The following CAPZB variants were observed in gnomAD, a reference collection of about 807,000 sequenced individuals.
CAPZB encodes the protein capping actin protein of muscle Z-line subunit beta.
In CAPZB, 2 loss-of-function variants were observed where a neutral mutation model predicts 38.1. The ratio of observed to expected loss-of-function variants is 0.05; its 90% CI spans 0.02 to 0.17. CAPZB has a LOEUF of 0.17. Among genes scored for constraint, CAPZB ranks in the 10% least tolerant of loss-of-function variants. The probability of loss-of-function intolerance (pLI) is 1.00; values close to 1 mark genes in which losing one functional copy is unlikely to be tolerated. For missense variants in CAPZB, 161 were observed against 334.2 expected (o/e 0.48, Z 4.04); for synonymous variants, 107 against 127.4 (o/e 0.84, Z 1.08).
At chr1:19,419,264 T>C (rs1415315493) in intron 2 of CAPZB, among the ~76,000 whole-genome samples, 1 of 152,228 alleles carries the variant, frequency 6.6e-6, no homozygotes, top group Non-Finnish European at 1.5e-5. Flanking sequence ...TAGACGCTTG[T>C]ACTGTGTTGG....
chr1:19,400,300 G>GAGA (rs2094296327), intron 2 of CAPZB, among the ~76,000 whole-genome samples: 1 of 152,174 alleles, frequency 6.6e-6, no homozygotes, highest in African/African-American at 2.4e-5. Context: ...TGATGGAGAG[G>GAGA]AGAAACCCCA....
chr1:19,413,745 C>A (rs911255197), intron 2 of CAPZB, among the ~76,000 whole-genome samples: 1 of 152,158 alleles, frequency 6.6e-6, no homozygotes, highest in Non-Finnish European at 1.5e-5. Flanking sequence ...AAAATGTAAG[C>A]CTGCTTACTC....
At chr1:19,381,155 C>A (rs572670818) in intron 3 of CAPZB, among the ~76,000 whole-genome samples, 13 of 151,936 alleles carry the variant, frequency 8.6e-5, no homozygotes, top group African/African-American at 2.7e-4. Context: ...GGTGACAGAG[C>A]AAGACTCCAT....
chr1:19,473,013 G>A (rs756489349), intron 1 of CAPZB, among the ~76,000 whole-genome samples: 4 of 151,966 alleles, frequency 2.6e-5, no homozygotes, highest in Non-Finnish European at 5.9e-5. Context: ...CACAGTGCCC[G>A]GCCCATTCTT....
chr1:19,341,356 C>T (rs1268962916), intron 8 of CAPZB, among the ~76,000 whole-genome samples: 1 of 152,116 alleles, frequency 6.6e-6, no homozygotes, highest in Admixed American at 6.5e-5. Context: ...AAAGCAGCAG[C>T]GCACAGGACC....
intron 4 of CAPZB, among the ~76,000 whole-genome samples, chr1:19,375,513 A>G (rs7519264): frequency 0.31 from 47,253 of 152,188 alleles, 7,854 homozygotes; most frequent in African/African-American, 0.41. Context: ...ACAGAACGGC[A>G]CCAGCCTGGA....
At chr1:19,377,134 T>C (rs1165383063) in intron 4 of CAPZB, among the ~76,000 whole-genome samples, 2 of 152,326 alleles carry the variant, frequency 1.3e-5, no homozygotes, top group Middle Eastern at 3.4e-3. Flanking sequence ...GATTGGCTTC[T>C]TACCAAATGG....
At chr1:19,339,640 T>C (rs754011755) in intron 8 of CAPZB, 23 bp from the exon 9 acceptor site, 2 of 1,576,522 alleles carry the variant, frequency 1.3e-6, no homozygotes, top group African/African-American at 2.7e-5. Context: ...AAAGGCGTTA[T>C]CAGCAGATTG....
At chr1:19,460,574 C>CTTT (rs35288971) in intron 1 of CAPZB, among the ~76,000 whole-genome samples, 14,123 of 90,874 alleles carry the variant, frequency 0.16, 1,381 homozygotes, top group Non-Finnish European at 0.18. Flanking sequence ...TGTGCCCAGG[C>CTTT]TTTTTTTTTT....
chr1:19,402,459 ACAGCTGATCCT>A (rs1234717972), intron 2 of CAPZB, among the ~76,000 whole-genome samples: 1 of 152,252 alleles, frequency 6.6e-6, no homozygotes, highest in African/African-American at 2.4e-5. Context: ...GTGGGAGCTA[ACAGCTGATCCT>A]CAGCAAAACC....
chr1:19,416,587 A>G (rs1476861005), intron 2 of CAPZB, among the ~76,000 whole-genome samples: 1 of 152,184 alleles, frequency 6.6e-6, no homozygotes, highest in Admixed American at 6.5e-5. Flanking sequence ...CAGCTCTAGC[A>G]TACATTCTAC....
intron 2 of CAPZB, among the ~76,000 whole-genome samples, chr1:19,398,090 C>T (rs2094282276): frequency 6.6e-6 from 1 of 152,126 alleles, no homozygotes; most frequent in South Asian, 2.1e-4. Flanking sequence ...GCCAGGCAAC[C>T]ATGGGCAATG....
chr1:19,412,997 C>T (rs2094363746), intron 2 of CAPZB, among the ~76,000 whole-genome samples: 1 of 152,172 alleles, frequency 6.6e-6, no homozygotes, highest in South Asian at 2.1e-4. Context: ...TGGTTCTCCA[C>T]GAAAACCCCG....
intron 1 of CAPZB, among the ~76,000 whole-genome samples, chr1:19,424,060 C>T (rs1421988801): frequency 6.6e-6 from 1 of 152,208 alleles, no homozygotes; most frequent in Non-Finnish European, 1.5e-5. Flanking sequence ...GATCCATCTG[C>T]CTCAGCCTCC....
At chr1:19,385,071 C>A (rs1163902116) in intron 3 of CAPZB, among the ~76,000 whole-genome samples, 1 of 152,150 alleles carries the variant, frequency 6.6e-6, no homozygotes, top group Admixed American at 6.5e-5. Flanking sequence ...GTGTATCTGA[C>A]AGAGCTGCGT....
chr1:19,419,719 A>G lies in CAPZB; in HGVS notation c.35T>C (p.Leu12Pro). 6.3e-7 allele frequency: 1 copy of G among 1,593,308 alleles called. No individual in the cohort carries two copies. Among genetic ancestry groups the G allele is most frequent in the Non-Finnish European group, 8.6e-7 (1 of 1,168,326 alleles). The change falls in exon 2 of 9, where the codon CTA becomes CCA. Residue 12 changes from leucine to proline, a missense_variant. Physicochemically the swap from Leu to Pro is moderately conservative, Grantham distance 98 (BLOSUM62 -3). Transcript: ENST00000264202. ...TTGCTGGGGAGGCAGGCGCCTCATT[A>G]GGTCCAAGGCACAGTCCAGCTGCTG... Reference protein sequence around the residue: ...SDQQLDCALDLMRRLPPQQIE... With the variant: ...SDQQLDCALDPMRRLPPQQIE...
At chr1:19,393,753 A>C (rs2094250887) in intron 2 of CAPZB, among the ~76,000 whole-genome samples, 1 of 152,224 alleles carries the variant, frequency 6.6e-6, no homozygotes, top group Non-Finnish European at 1.5e-5. Flanking sequence ...GTCGCCTGGG[A>C]AGGGCTGCAG....
chr1:19,445,441 T>C (rs2094492906), intron 1 of CAPZB, among the ~76,000 whole-genome samples: 1 of 152,126 alleles, frequency 6.6e-6, no homozygotes, highest in Non-Finnish European at 1.5e-5. Context: ...CGCTTTGCCC[T>C]TTCCTTCTGA....
At chr1:19,412,903 G>A (rs563882142) in intron 2 of CAPZB, among the ~76,000 whole-genome samples, 9 of 152,302 alleles carry the variant, frequency 5.9e-5, no homozygotes, top group South Asian at 2.1e-4. Flanking sequence ...GATGTACAGC[G>A]TGCAAAGCTG....
Sources: allele counts gnomAD v4.1 joint callset (sites outside exome capture counted in the v4.1 genomes callset), GRCh38; gene constraint gnomAD v4.1.1; transcripts MANE v1.5; gene names NCBI Gene and HGNC (gene_info 2026-07-23, HGNC 2026-07-21).